LANCL3: variants seen among roughly 807,000 people sequenced by gnomAD.
LANCL3 encodes lanC-like protein 3.
LANCL3 carries 19 observed loss-of-function variants against 26.5 expected under a neutral mutation model. The observed-to-expected ratio is 0.72, with a 90% CI of 0.50 to 1.05. The LOEUF (loss-of-function observed/expected upper bound fraction) is 1.05, where lower values mean the gene tolerates loss of function less well. Among genes scored for constraint, LANCL3 ranks in the 50% least tolerant of loss-of-function variants. The probability of loss-of-function intolerance (pLI) is 0.00; values close to 1 mark genes in which losing one functional copy is unlikely to be tolerated. For synonymous variants in LANCL3, 160 were observed against 166.6 expected (o/e 0.96, Z 0.30); for missense variants, 318 against 362.7 (o/e 0.88, Z 1.00).
chrX:37,623,437 G>C (rs1373508416), intron 1 of LANCL3, among the ~76,000 whole-genome samples: 4 of 111,391 alleles, frequency 3.6e-5, no homozygotes, highest in African/African-American at 1.3e-4. Context: ...TCATTAGTTT[G>C]TGTTTCAGGT....
chrX:37,580,283 G>A lies in LANCL3; in HGVS notation c.573+7840G>A, dbSNP rs143615233. On this transcript the variant is annotated intron_variant, in intron 1 of 4. Transcript: ENST00000378619. ...ATGCATGACCCAGAACCCAGTGAAT[G>A]ATAAAATGCAGTGATGTAATAAGGA... 6.2e-3 allele frequency among the ~76,000 whole-genome samples: 691 copies of A among 111,797 alleles called. 4 individuals carry two copies. The highest frequency in any genetic ancestry group is 0.022 in the African/African-American group (668 of 30,787).
intron 1 of LANCL3, among the ~76,000 whole-genome samples, chrX:37,591,136 GA>G (rs1305010858): frequency 1.8e-5 from 2 of 111,996 alleles, no homozygotes; most frequent in Admixed American, 1.9e-4. Context: ...TTGTGACTTA[GA>G]GAGGTTTAGT....
intron 1 of LANCL3, among the ~76,000 whole-genome samples, chrX:37,580,239 A>G (rs1357286938): frequency 5.4e-5 from 6 of 111,686 alleles, no homozygotes; most frequent in African/African-American, 2.0e-4. Flanking sequence ...TCTATGGGCT[A>G]TGGCTTAGAC....
intron 3 of LANCL3, among the ~76,000 whole-genome samples, chrX:37,665,467 T>C: frequency 8.9e-6 from 1 of 112,409 alleles, no homozygotes; most frequent in Non-Finnish European, 1.9e-5. Context: ...TAAGGCCTCA[T>C]CTAACTATCT....
At chrX:37,647,085 C>T (rs1245933382) in intron 1 of LANCL3, among the ~76,000 whole-genome samples, 1 of 111,523 alleles carries the variant, frequency 9.0e-6, no homozygotes, top group African/African-American at 3.3e-5. Flanking sequence ...GAGGCCGAGG[C>T]GGGCAGATCA....
intron 1 of LANCL3, among the ~76,000 whole-genome samples, chrX:37,598,566 T>G (rs959198489): frequency 8.9e-6 from 1 of 112,377 alleles, no homozygotes; most frequent in Non-Finnish European, 1.9e-5. Context: ...TCTTATCACT[T>G]AGGATTTTAT....
intron 4 of LANCL3, among the ~76,000 whole-genome samples, chrX:37,671,789 T>A (rs909733887): frequency 8.9e-6 from 1 of 112,294 alleles, no homozygotes; most frequent in Admixed American, 9.4e-5. Context: ...TTAGAAAACA[T>A]AAATTATTTT....
At chrX:37,573,496 G>A (rs1243244786) in intron 1 of LANCL3, among the ~76,000 whole-genome samples, 14 of 111,641 alleles carry the variant, frequency 1.3e-4, no homozygotes, top group Non-Finnish European at 1.1e-4. Context: ...TTAATAGCAG[G>A]TGAGGTTGAT....
chrX:37,628,878 T>C (rs1925394588), intron 1 of LANCL3, among the ~76,000 whole-genome samples: 1 of 110,447 alleles, frequency 9.1e-6, no homozygotes, highest in Admixed American at 9.6e-5. Context: ...TCCAAGTCTT[T>C]GCTATTGTGA....
chrX:37,610,629 C>T (rs1266959198), intron 1 of LANCL3, among the ~76,000 whole-genome samples: 1 of 111,834 alleles, frequency 8.9e-6, no homozygotes, highest in Non-Finnish European at 1.9e-5. Context: ...CTGCTTTTCC[C>T]CCCATCTTTG....
At chrX:37,667,875 G>C (rs1377737313) in intron 4 of LANCL3, among the ~76,000 whole-genome samples, 1 of 110,960 alleles carries the variant, frequency 9.0e-6, no homozygotes, top group Non-Finnish European at 1.9e-5. Flanking sequence ...CATCACATGG[G>C]GAGAGAAGAA....
intron 1 of LANCL3, among the ~76,000 whole-genome samples, chrX:37,586,228 C>T (rs181560049): frequency 1.8e-5 from 2 of 111,659 alleles, no homozygotes; most frequent in East Asian, 2.8e-4. Flanking sequence ...CTACCCTTAA[C>T]GTTTTTTCCT....
chrX:37,647,291 G>A (rs1462452452), intron 1 of LANCL3, among the ~76,000 whole-genome samples: 6 of 104,996 alleles, frequency 5.7e-5, no homozygotes, highest in African/African-American at 1.9e-4. Context: ...TCCAGCCTGG[G>A]CGACAGGGCA....
At chrX:37,623,371 G>C (rs782184154) in intron 1 of LANCL3, among the ~76,000 whole-genome samples, 11 of 111,116 alleles carry the variant, frequency 9.9e-5, no homozygotes, top group Admixed American at 2.9e-4. Flanking sequence ...CATTATCTTT[G>C]CTGTGTCCTC....
Position 37,571,699 on chromosome X carries a change from C to T in LANCL3, c.-172C>T. The stretch of plus-strand genomic sequence containing the variant: ...GCGGCAGCCCGGCGCCCCACTTGGC[C>T]ATCCGCTCCTTGCCCGCCTCCTCTT... On this transcript the variant is annotated 5_prime_UTR_variant, in exon 1 of 5. Coordinates refer to ENST00000378619, the MANE Select transcript of LANCL3 (RefSeq NM_001170331.2). 2.4e-6 allele frequency: 1 copy of T among 409,512 alleles called. No homozygotes were observed. Among genetic ancestry groups the T allele is most frequent in the South Asian group, 4.8e-5 (1 of 20,874 alleles). 33.7% of individuals were successfully genotyped at this position (409,512 alleles called of 1,213,427 possible). A position where few individuals can be genotyped will look rare whatever the true frequency, so the allele number is the denominator to read the frequency against.
chrX:37,633,327 C>T lies in LANCL3; in HGVS notation c.574-22361C>T, dbSNP rs187761519. Among the ~76,000 whole-genome samples, 349 of 111,196 alleles carry T rather than the reference C, an allele frequency of 3.1e-3. 1 individual carries two copies. The highest frequency in any genetic ancestry group is 0.011 in the African/African-American group (333 of 30,533). On this transcript the variant is annotated intron_variant, in intron 1 of 4. Transcript: ENST00000378619. ...GCTCCGGTTATTCTAGTTATACATT[C>T]GTCTAAATTTTTTTCAAAGTTTTTA...
At chrX:37,583,201 G>A (rs1231169164) in intron 1 of LANCL3, among the ~76,000 whole-genome samples, 1 of 112,044 alleles carries the variant, frequency 8.9e-6, no homozygotes, top group Non-Finnish European at 1.9e-5. Flanking sequence ...CCAGTACCAT[G>A]CTGTTTTGGT....
At position 37,681,461 on chromosome X, in the gene LANCL3, C is replaced by T. The variant is rs952922471; in HGVS notation, c.*5648C>T. 3 of 111,791 alleles carry T rather than the reference C, an allele frequency of 2.7e-5. No homozygotes were observed. Among genetic ancestry groups the T allele is most frequent in the African/African-American group, 6.5e-5 (2 of 30,726 alleles). 9.2% of individuals were successfully genotyped at this position (111,791 alleles called of 1,213,427 possible). On this transcript the variant is annotated 3_prime_UTR_variant, in exon 5 of 5. Coordinates refer to ENST00000378619, the MANE Select transcript of LANCL3 (RefSeq NM_001170331.2). ...TTGATAAAGTCTTCCTACCTTCCTT[C>T]GTTGTTATGGGAGAAAATGTAAACA... is the stretch of plus-strand genomic sequence containing the variant.
intron 1 of LANCL3, among the ~76,000 whole-genome samples, chrX:37,625,792 C>T (rs1925298454): frequency 9.0e-6 from 1 of 110,945 alleles, no homozygotes; most frequent in East Asian, 2.8e-4. Flanking sequence ...GTATAATGTA[C>T]AGAGGTGTTG....
Sources: allele counts gnomAD v4.1 joint callset (sites outside exome capture counted in the v4.1 genomes callset), GRCh38; gene constraint gnomAD v4.1.1; transcripts MANE v1.5; gene names NCBI Gene and HGNC (gene_info 2026-07-23, HGNC 2026-07-21).